The following ITPRID1 variants were observed in gnomAD, a reference collection of about 807,000 sequenced individuals.
The protein encoded by ITPRID1 is ITPR interacting domain containing 1, also known as protein ITPRID1.
ITPRID1 carries 96 observed loss-of-function variants against 95.4 expected under a neutral mutation model. That is an observed-to-expected ratio of 1.01 (90% CI 0.85 to 1.19). ITPRID1 has a LOEUF of 1.19. ITPRID1 is among the 50% of genes most tolerant of loss of function. The pLI is 0.00. For missense variants in ITPRID1, 1,339 were observed against 1,252.9 expected (o/e 1.07, Z -1.04); for synonymous variants, 510 against 453.6 (o/e 1.12, Z -1.58).
intron 12 of ITPRID1, among the ~76,000 whole-genome samples, chr7:31,649,701 C>G (rs1790783914): frequency 6.6e-6 from 1 of 152,106 alleles, no homozygotes; most frequent in South Asian, 2.1e-4. Flanking sequence ...GTTAGTGGCC[C>G]TGGAGTTCTG....
chr7:31,559,706 A>G (rs1182608906), intron 5 of ITPRID1, among the ~76,000 whole-genome samples: 1 of 152,160 alleles, frequency 6.6e-6, no homozygotes, highest in Non-Finnish European at 1.5e-5. Context: ...CTACATGACT[A>G]TCATCTGGAG....
intron 6 of ITPRID1, 85 bp from the exon 7 acceptor site, chr7:31,572,017 G>C: frequency 1.2e-6 from 1 of 837,712 alleles, no homozygotes; most frequent in Non-Finnish European, 1.9e-6. Context: ...GCAAATGTTT[G>C]CTCTGGAAGG....
intron 10 of ITPRID1, among the ~76,000 whole-genome samples, chr7:31,638,631 T>TGTCTTCTTA (rs1789711335): frequency 6.6e-6 from 1 of 152,254 alleles, no homozygotes; most frequent in Non-Finnish European, 1.5e-5. Context: ...GTTACTCAAC[T>TGTCTTCTTA]GTCTTCTTAC....
At chr7:31,652,488 T>G (rs770311928) in intron 14 of ITPRID1, 30 bp from the exon 15 acceptor site, 11 of 1,555,058 alleles carry the variant, frequency 7.1e-6, no homozygotes, top group Non-Finnish European at 9.6e-6. Context: ...GATGTGCTGT[T>G]TACTCTTTTT....
At chr7:31,552,970 T>G in intron 2 of ITPRID1, 32 bp from the exon 3 acceptor site, 1 of 1,568,802 alleles carries the variant, frequency 6.4e-7, no homozygotes, top group Non-Finnish European at 8.6e-7. Context: ...GAACTCATCG[T>G]GTCTGATTTG....
intron 8 of ITPRID1, among the ~76,000 whole-genome samples, chr7:31,576,794 A>G (rs1409030543): frequency 1.3e-5 from 2 of 152,184 alleles, no homozygotes; most frequent in Non-Finnish European, 2.9e-5. Flanking sequence ...GTGGTCCTTG[A>G]CCTTCGCTGA....
intron 1 of ITPRID1, among the ~76,000 whole-genome samples, chr7:31,523,391 G>C (rs116042980): frequency 2.0e-5 from 3 of 152,194 alleles, no homozygotes; most frequent in African/African-American, 7.2e-5. Context: ...AGGGTGTCAC[G>C]TGAAGAGCTG....
intron 10 of ITPRID1, among the ~76,000 whole-genome samples, chr7:31,615,728 G>A (rs971592461): frequency 6.7e-6 from 1 of 149,876 alleles, no homozygotes; most frequent in African/African-American, 2.5e-5. Flanking sequence ...AATACCAGTA[G>A]CGTGTTAGAG....
At chr7:31,595,586 T>A (rs1449813961) in intron 10 of ITPRID1, among the ~76,000 whole-genome samples, 1 of 152,168 alleles carries the variant, frequency 6.6e-6, no homozygotes, top group Non-Finnish European at 1.5e-5. Context: ...GAAGACATTT[T>A]ATGTAAAATT....
chr7:31,519,396 C>A (rs1416312468), intron 1 of ITPRID1, among the ~76,000 whole-genome samples: 1 of 151,774 alleles, frequency 6.6e-6, no homozygotes, highest in Non-Finnish European at 1.5e-5. Flanking sequence ...ACAGAAATAA[C>A]TGTGTCTCCT....
At chr7:31,631,294 A>G (rs12701130) in intron 10 of ITPRID1, among the ~76,000 whole-genome samples, 40,669 of 151,992 alleles carry the variant, frequency 0.27, 5,975 homozygotes, top group Non-Finnish European at 0.33. Flanking sequence ...GCGTGCGTGC[A>G]CACACAGACA....
At chr7:31,656,708 G>A (rs1296075575), downstream of ITPRID1, among the ~76,000 whole-genome samples, 1 of 152,122 alleles carries the variant, frequency 6.6e-6, no homozygotes, top group Non-Finnish European at 1.5e-5. Context: ...ACTTATTTGT[G>A]GACGGTTTTG....
chr7:31,617,374 C>G (rs1446673065), intron 10 of ITPRID1, among the ~76,000 whole-genome samples: 2 of 152,070 alleles, frequency 1.3e-5, no homozygotes, highest in Non-Finnish European at 2.9e-5. Flanking sequence ...TATCATACCT[C>G]TATGTAGTAT....
chr7:31,539,472 A>G (rs1187716610), intron 1 of ITPRID1, among the ~76,000 whole-genome samples: 2 of 152,198 alleles, frequency 1.3e-5, no homozygotes, highest in Non-Finnish European at 2.9e-5. Context: ...GAGGCACTGC[A>G]CTTGACAGGG....
chr7:31,567,497 T>C (rs1716400577), intron 5 of ITPRID1, among the ~76,000 whole-genome samples: 1 of 152,228 alleles, frequency 6.6e-6, no homozygotes, highest in Non-Finnish European at 1.5e-5. Context: ...GGGAGTAGCA[T>C]TGGGAGTGAT....
chr7:31,571,494 A>G (rs557452657), intron 6 of ITPRID1, among the ~76,000 whole-genome samples: 10 of 152,360 alleles, frequency 6.6e-5, no homozygotes, highest in East Asian at 3.9e-4. Flanking sequence ...TAGCTGAGCT[A>G]TATGTATAAA....
At position 31,643,102 on chromosome 7, in the gene ITPRID1, G is replaced by A; in HGVS notation, c.1732G>A (p.Asp578Asn). Reference sequence around the variant, plus strand: ...GGTAACCCACGTCACAGAAATGCAGGACAGTTTTGTGAGGCCTGAGGGAGC... The same window carrying A: ...GGTAACCCACGTCACAGAAATGCAGAACAGTTTTGTGAGGCCTGAGGGAGC... The part of the protein sequence containing the change: ...FMVTHVTEMQ[D>N]SFVRPEGAGK... The change falls in exon 12 of 15, where the codon GAC (aspartate) becomes AAC (asparagine). Residue 578 changes from aspartate (D) to asparagine (N), a missense_variant. Coordinates refer to ENST00000615280, the MANE Select transcript of ITPRID1 (RefSeq NM_001257967.3). 3.1e-6 allele frequency: 5 copies of A among 1,613,956 alleles called. No homozygotes were observed. The highest frequency in any genetic ancestry group is 1.1e-5 in the South Asian group (1 of 91,082).
chr7:31,543,207 A>G (rs1783986220), intron 1 of ITPRID1, among the ~76,000 whole-genome samples: 1 of 152,120 alleles, frequency 6.6e-6, no homozygotes, highest in South Asian at 2.1e-4. Flanking sequence ...ATTCACCTTT[A>G]ATTCCAGGGG....
chr7:31,543,566 T>C (rs1415602868), intron 1 of ITPRID1, among the ~76,000 whole-genome samples: 1 of 152,096 alleles, frequency 6.6e-6, no homozygotes, highest in East Asian at 1.9e-4. Flanking sequence ...TTTCCATTTG[T>C]GTATCTTCTT....
Sources: gnomAD v4.1 joint callset for allele counts (sites outside exome capture counted in the v4.1 genomes callset) on GRCh38, gnomAD v4.1.1 for gene constraint, MANE v1.5 for transcripts, NCBI Gene and HGNC (gene_info 2026-07-23, HGNC 2026-07-21) for gene names.